Variants in DTWD2 observed in about 807,000 individuals in gnomAD.
DTWD2 encodes tRNA-uridine aminocarboxypropyltransferase 2.
A neutral mutation model predicts 31.8 loss-of-function variants in DTWD2; 39 were observed. The ratio of observed to expected loss-of-function variants is 1.22; its 90% CI spans 0.95 to 1.60. DTWD2 has a LOEUF of 1.60. DTWD2 is among the 40% of genes most tolerant of loss of function. The probability of loss-of-function intolerance (pLI) is 0.00; values close to 1 mark genes in which losing one functional copy is unlikely to be tolerated. For synonymous variants in DTWD2, 180 were observed against 142.8 expected (o/e 1.26, Z -1.86); for missense variants, 515 against 381.5 (o/e 1.35, Z -2.92).
chr5:118,877,029 A>G (rs1354786580), intron 4 of DTWD2, among the ~76,000 whole-genome samples: 2 of 152,256 alleles, frequency 1.3e-5, no homozygotes, highest in South Asian at 2.1e-4. Flanking sequence ...CTTATCCACC[A>G]TAATCAAGTA....
At position 118,841,012 on chromosome 5, in the gene DTWD2, G is replaced by A; in HGVS notation, c.802C>T (p.His268Tyr). The change falls in exon 6 of 6, where the codon CAC becomes TAC. Residue 268 changes from histidine to tyrosine, a missense_variant. His to Tyr is a moderately conservative substitution (Grantham distance 83). Transcript: ENST00000510708. ...GGATATAATCCATTTTTCAGAAGGT[G>A]TTCCTTGCTGAGGCGAATTTGGGCA... is the stretch of plus-strand genomic sequence containing the variant. ...HGAQIRLSKE[H>Y]LLKNGLYPKP... 2 of 1,613,728 alleles carry A rather than the reference G, an allele frequency of 1.2e-6. No individual in the cohort carries two copies. Among genetic ancestry groups the A allele is most frequent in the Non-Finnish European group, 1.7e-6 (2 of 1,179,804 alleles).
intron 4 of DTWD2, among the ~76,000 whole-genome samples, chr5:118,897,906 A>G (rs1200942842): frequency 6.6e-6 from 1 of 152,156 alleles, no homozygotes; most frequent in East Asian, 1.9e-4. Flanking sequence ...TCTCACTCCT[A>G]CGCCCAGGGT....
chr5:118,884,432 T>C (rs1485220001), intron 4 of DTWD2, among the ~76,000 whole-genome samples: 1 of 152,150 alleles, frequency 6.6e-6, no homozygotes, highest in Non-Finnish European at 1.5e-5. Context: ...AGAAGATAAT[T>C]CCATGTCACA....
chr5:118,931,339 G>T (rs528536712), intron 3 of DTWD2, among the ~76,000 whole-genome samples: 94 of 149,768 alleles, frequency 6.3e-4, no homozygotes, highest in African/African-American at 2.2e-3. Context: ...AGGCTACAGT[G>T]AGTGAACCAT....
In DTWD2 at chr5:118,841,087, T is replaced by C. The variant is rs144844733; in HGVS notation, c.727A>G (p.Thr243Ala). The stretch of plus-strand genomic sequence containing the variant: ...AAAGCTTGAAGAGGGCGAAGCAAAG[T>C]CTGTCAAGAGAAAAAAGACACTAAA... Reference protein sequence around the residue: ...ILEKNNYIQETLLRPLQALCS... With the variant: ...ILEKNNYIQEALLRPLQALCS... Residue 243 changes from threonine to alanine, a missense_variant and splice_region_variant, in exon 6 of 6, where the codon ACT (threonine) becomes GCT (alanine). Physicochemically the swap from Thr to Ala is moderately conservative, Grantham distance 58. Transcript: ENST00000510708. 2,158 of 1,607,192 alleles carry C rather than the reference T, an allele frequency of 1.3e-3. 5 individuals are homozygous for C. The highest frequency in any genetic ancestry group is 1.6e-3 in the Non-Finnish European group (1,928 of 1,176,366).
intron 4 of DTWD2, among the ~76,000 whole-genome samples, chr5:118,877,855 C>A (rs183772403): frequency 6.6e-6 from 1 of 152,242 alleles, no homozygotes; most frequent in Admixed American, 6.5e-5. Context: ...TTTCAGGATA[C>A]AAAATAAATA....
chr5:118,881,542 T>A (rs888401962), intron 4 of DTWD2, among the ~76,000 whole-genome samples: 1 of 152,190 alleles, frequency 6.6e-6, no homozygotes, highest in Non-Finnish European at 1.5e-5. Context: ...TCTTAGAGGA[T>A]GTATTAGTCT....
At chr5:118,942,701 TA>T (rs138300471) in intron 2 of DTWD2, among the ~76,000 whole-genome samples, 2 of 151,868 alleles carry the variant, frequency 1.3e-5, no homozygotes, top group Non-Finnish European at 1.5e-5. Context: ...ACACCCACAC[TA>T]AAAAAGCTAT....
intron 1 of DTWD2, among the ~76,000 whole-genome samples, chr5:118,979,280 G>A (rs1228847227): frequency 6.6e-6 from 1 of 151,990 alleles, no homozygotes; most frequent in East Asian, 1.9e-4. Flanking sequence ...CTCCAGCCTG[G>A]GCGACAGAGC....
intron 1 of DTWD2, among the ~76,000 whole-genome samples, chr5:118,986,006 C>T (rs1009063305): frequency 2.0e-5 from 3 of 152,088 alleles, no homozygotes; most frequent in Non-Finnish European, 1.5e-5. Context: ...CTTTGTATTT[C>T]ATAGCCTATC....
intron 4 of DTWD2, among the ~76,000 whole-genome samples, chr5:118,913,406 T>G (rs1329592451): frequency 2.2e-5 from 3 of 138,892 alleles, no homozygotes; most frequent in Non-Finnish European, 3.1e-5. Flanking sequence ...TATAGATATA[T>G]ATAGATATAT....
rs757613658 is a variant in DTWD2 at position 118,848,189 on chromosome 5, C to A, written c.627G>T (p.Gln209His). The A allele has an allele frequency of 2.5e-6, 4 of 1,605,754 alleles. No individual in the cohort carries two copies. The highest frequency in any genetic ancestry group is 3.4e-6 in the Non-Finnish European group (4 of 1,176,518). Residue 209 changes from glutamine to histidine, a missense_variant, in exon 5 of 6, where the codon CAG (glutamine) becomes CAT (histidine). Physicochemically the swap from Gln to His is conservative, Grantham distance 24. Coordinates refer to ENST00000510708, the MANE Select transcript of DTWD2 (RefSeq NM_173666.4). ...TAGTCGGCTGCATCCGAATTACATA[C>A]TGACTAGAAATGCTAGTTTTTAATT... ...QVQLKTSISSQYVIRMQPTNR... is the reference protein window; with the variant it reads ...QVQLKTSISSHYVIRMQPTNR...
chr5:118,964,833 C>A (rs1361357658), intron 1 of DTWD2, among the ~76,000 whole-genome samples: 1 of 152,154 alleles, frequency 6.6e-6, no homozygotes, highest in South Asian at 2.1e-4. Flanking sequence ...CCCAAAGTGC[C>A]GAGATTGCAG....
intron 4 of DTWD2, among the ~76,000 whole-genome samples, chr5:118,881,555 T>G (rs1752740530): frequency 6.6e-6 from 1 of 152,134 alleles, no homozygotes; most frequent in Non-Finnish European, 1.5e-5. Flanking sequence ...ATTAGTCTGT[T>G]TACATACTGC....
chr5:118,940,159 G>C (rs1754147421), intron 2 of DTWD2, among the ~76,000 whole-genome samples: 1 of 152,166 alleles, frequency 6.6e-6, no homozygotes, highest in Non-Finnish European at 1.5e-5. Flanking sequence ...TAAGTTGACT[G>C]TCGTCAGTGG....
rs754423234 is a variant in DTWD2, at chr5:118,843,371, G to GAGGAAGGGAGGAAGGAAGGA, written c.727-2285_727-2284insTCCTTCCTTCCTCCCTTCCT. ...GCAGGGAGGGAGGAAGGGAGGAAGG[G>GAGGAAGGGAGGAAGGAAGGA]AGGAAGGAAGGAGAGAGATAGAAAG... On this transcript the variant is annotated intron_variant, in intron 5 of 5. Transcript: ENST00000510708. Among the ~76,000 whole-genome samples the GAGGAAGGGAGGAAGGAAGGA allele has an allele frequency of 2.7e-3, 384 of 143,730 alleles. 3 individuals carry two copies. The highest frequency in any genetic ancestry group is 8.8e-3 in the African/African-American group (322 of 36,714). 94.3% of individuals were successfully genotyped at this position (143,730 alleles called of 152,430 possible).
intron 1 of DTWD2, among the ~76,000 whole-genome samples, chr5:118,948,250 C>T (rs1052479301): frequency 6.6e-6 from 1 of 151,670 alleles, no homozygotes; most frequent in African/African-American, 2.4e-5. Flanking sequence ...CCGAGGCGGG[C>T]GGATCACAAG....
intron 2 of DTWD2, among the ~76,000 whole-genome samples, chr5:118,944,034 G>A (rs910699607): frequency 2.0e-5 from 3 of 151,972 alleles, no homozygotes; most frequent in Non-Finnish European, 4.4e-5. Flanking sequence ...ATACACACTG[G>A]CACATATGTA....
chr5:118,879,254 T>C (rs1382348324), intron 4 of DTWD2, among the ~76,000 whole-genome samples: 1 of 152,116 alleles, frequency 6.6e-6, no homozygotes. Context: ...CTATTAGTGA[T>C]AGACTGAATA....
Sources: gnomAD v4.1 joint callset for allele counts (sites outside exome capture counted in the v4.1 genomes callset) on GRCh38, gnomAD v4.1.1 for gene constraint, MANE v1.5 for transcripts, NCBI Gene and HGNC (gene_info 2026-07-23, HGNC 2026-07-21) for gene names.